The following AKAP13 variants were observed in gnomAD, a reference collection of about 807,000 sequenced individuals.
AKAP13 encodes the protein A-kinase anchor protein 13.
A neutral mutation model predicts 264.5 loss-of-function variants in AKAP13; 80 were observed. That is an observed-to-expected ratio of 0.30 (90% CI 0.25 to 0.36). The LOEUF is 0.36. Ranked by LOEUF, AKAP13 falls within the 10% of genes least tolerant of loss-of-function variation. The probability of loss-of-function intolerance (pLI) is 1.00; values close to 1 mark genes in which losing one functional copy is unlikely to be tolerated. For missense variants in AKAP13, 3,712 were observed against 3,435.2 expected (o/e 1.08, Z -2.01); for synonymous variants, 1,380 against 1,250.2 (o/e 1.10, Z -2.19).
intron 8 of AKAP13, among the ~76,000 whole-genome samples, chr15:85,630,208 CA>C (rs2081665751): frequency 2.2e-5 from 1 of 44,926 alleles, no homozygotes; most frequent in Non-Finnish European, 3.9e-5. Flanking sequence ...CACACACACA[CA>C]TCATGAACTA....
chr15:85,500,929 T>C (rs930795263), intron 2 of AKAP13, among the ~76,000 whole-genome samples: 2 of 152,222 alleles, frequency 1.3e-5, no homozygotes, highest in African/African-American at 2.4e-5. Flanking sequence ...CAGCTGTCTC[T>C]CTTTGTTTTG....
At chr15:85,451,197 T>G (rs543884106) in intron 1 of AKAP13, among the ~76,000 whole-genome samples, 1 of 152,286 alleles carries the variant, frequency 6.6e-6, no homozygotes, top group East Asian at 1.9e-4. Flanking sequence ...TTCCCATTGC[T>G]TGGTAGATTG....
chr15:85,399,535 A>AAAATAAATAAAT (rs1315010301), intron 1 of AKAP13, among the ~76,000 whole-genome samples: 22 of 105,586 alleles, frequency 2.1e-4, no homozygotes, highest in South Asian at 5.2e-4. Context: ...AAAAAATAAA[A>AAAATAAATAAAT]AAATAAATAA....
intron 16 of AKAP13, among the ~76,000 whole-genome samples, chr15:85,692,725 T>C (rs758126717): frequency 5.3e-5 from 8 of 152,242 alleles, no homozygotes; most frequent in Non-Finnish European, 1.2e-4. Flanking sequence ...GCATATTTAA[T>C]ATTTCTAACT....
chr15:85,713,335 T>G (rs530728148), intron 19 of AKAP13, among the ~76,000 whole-genome samples: 42 of 152,332 alleles, frequency 2.8e-4, no homozygotes, highest in East Asian at 1.5e-3. Context: ...TTTACATTAA[T>G]ACTACATAAT....
chr15:85,482,164 T>A (rs2075371559), intron 1 of AKAP13, among the ~76,000 whole-genome samples: 1 of 152,196 alleles, frequency 6.6e-6, no homozygotes. Context: ...GAGTTCTCAA[T>A]GTTGTGGCAG....
At chr15:85,482,772 C>T (rs535599456) in intron 1 of AKAP13, among the ~76,000 whole-genome samples, 24 of 152,262 alleles carry the variant, frequency 1.6e-4, no homozygotes, top group African/African-American at 5.8e-4. Context: ...AAATATAATG[C>T]TCTGTAAATG....
intron 1 of AKAP13, among the ~76,000 whole-genome samples, chr15:85,405,853 C>G (rs1387550230): frequency 1.3e-5 from 2 of 152,036 alleles, no homozygotes; most frequent in Admixed American, 1.3e-4. Context: ...CACCCCCCAC[C>G]CTCTTTTTTT....
In AKAP13 at chr15:85,715,847, A is replaced by G; in HGVS notation, c.5659A>G (p.Thr1887Ala). Residue 1887 changes from threonine (T) to alanine (A), a missense_variant, in exon 20 of 37, where the codon ACC (threonine) becomes GCC (alanine). Around this residue, in one of 3 missense-constraint regions of AKAP13, gnomAD observed 2,759 missense variants for 2,411.7 expected, o/e 1.14. Coordinates refer to ENST00000394518, the MANE Select transcript of AKAP13 (RefSeq NM_007200.5). ...AVLLVDETAT[T>A]PIFANRRSQQ... Reference sequence around the variant, plus strand: ...CCTCCTGGTGGATGAAACCGCTACCACCCCAATATTTGCCAATAGACGATC... The same window carrying G: ...CCTCCTGGTGGATGAAACCGCTACCGCCCCAATATTTGCCAATAGACGATC... 5.6e-6 allele frequency: 9 copies of G among 1,613,318 alleles called. No homozygotes were observed. Among genetic ancestry groups the G allele is most frequent in the Non-Finnish European group, 7.6e-6 (9 of 1,179,878 alleles).
At position 85,482,488 on chromosome 15, in the gene AKAP13, A is replaced by G. The variant is rs139468304; in HGVS notation, c.-11-3222A>G. ...GTGTCTGGCACATTGTAGGTGCACA[A>G]TGACAGCTGAATTAACAATGTCAGG... is the stretch of plus-strand genomic sequence containing the variant. On this transcript the variant is annotated intron_variant, in intron 1 of 36. Transcript: ENST00000394518. 2.6e-5 allele frequency among the ~76,000 whole-genome samples: 4 copies of G among 152,282 alleles called. No homozygotes were observed. The East Asian group carries it at 5.8e-4, about 22-fold the overall frequency.
At chr15:85,673,043 T>G (rs2084008382) in intron 14 of AKAP13, among the ~76,000 whole-genome samples, 1 of 152,220 alleles carries the variant, frequency 6.6e-6, no homozygotes, top group Non-Finnish European at 1.5e-5. Flanking sequence ...CTAAAGAAAT[T>G]ATTAGTTTCC....
Position 85,420,142 on chromosome 15 carries a change from C to T in AKAP13, c.-12+39344C>T, listed in dbSNP as rs369298777. Among the ~76,000 whole-genome samples the T allele has an allele frequency of 2.2e-4, 33 of 151,800 alleles. 2 individuals are homozygous for T. Among genetic ancestry groups the T allele is most frequent in the African/African-American group, 7.7e-4 (32 of 41,462 alleles). On this transcript the variant is annotated intron_variant, in intron 1 of 36. Transcript: ENST00000394518. ...ATTTTTAGTAGAGACGGGGTTTCAC[C>T]GCTTTAGCCGGGATGGTCTCGATCT...
chr15:85,669,641 G>A, intron 13 of AKAP13, 81 bp from the exon 14 acceptor site: 2 of 1,033,378 alleles, frequency 1.9e-6, no homozygotes, highest in Non-Finnish European at 2.9e-6. Context: ...TACTATGTGG[G>A]TCTAATTATA....
At chr15:85,480,067 A>G (rs2075302699) in intron 1 of AKAP13, among the ~76,000 whole-genome samples, 1 of 152,200 alleles carries the variant, frequency 6.6e-6, no homozygotes, top group Non-Finnish European at 1.5e-5. Flanking sequence ...TTAAAAAGTA[A>G]TATCTGTTCA....
chr15:85,720,050 A>T (rs1404182639), intron 23 of AKAP13, among the ~76,000 whole-genome samples: 1 of 152,118 alleles, frequency 6.6e-6, no homozygotes, highest in Non-Finnish European at 1.5e-5. Context: ...CTGGCAACGT[A>T]CCAAGAGCTG....
intron 8 of AKAP13, chr15:85,621,261 T>C (rs1350000712): frequency 6.6e-6 from 1 of 152,236 alleles, no homozygotes; most frequent in Non-Finnish European, 1.5e-5. Flanking sequence ...GGTAGAGGCG[T>C]TGTGATTTGT....
intron 5 of AKAP13, among the ~76,000 whole-genome samples, chr15:85,551,659 G>C (rs537652568): frequency 6.6e-6 from 1 of 152,294 alleles, no homozygotes; most frequent in East Asian, 1.9e-4. Flanking sequence ...CTTGGTTGCC[G>C]TATAACATTT....
intron 5 of AKAP13, among the ~76,000 whole-genome samples, chr15:85,564,927 A>C (rs2078548833): frequency 6.6e-6 from 1 of 152,176 alleles, no homozygotes; most frequent in South Asian, 2.1e-4. Context: ...CAGTTCAGCA[A>C]GTCTTGCTGA....
chr15:85,540,092 C>A (rs1333412936), intron 4 of AKAP13, among the ~76,000 whole-genome samples: 1 of 152,136 alleles, frequency 6.6e-6, no homozygotes, highest in South Asian at 2.1e-4. Context: ...AGGAATGGCG[C>A]CTTTGATTGT....
Sources: gnomAD v4.1 joint callset for allele counts (sites outside exome capture counted in the v4.1 genomes callset) on GRCh38, gnomAD v4.1.1 for gene constraint, gnomAD v4.1.1 regional missense constraint, MANE v1.5 for transcripts, NCBI Gene and HGNC (gene_info 2026-07-23, HGNC 2026-07-21) for gene names.